The following MAN1A2 variants were observed in gnomAD, a reference collection of about 807,000 sequenced individuals.
The protein encoded by MAN1A2 is mannosidase alpha class 1A member 2.
Under a neutral mutation model 75.7 loss-of-function variants are expected in MAN1A2, and 26 were observed. The ratio of observed to expected loss-of-function variants is 0.34; its 90% CI spans 0.25 to 0.48. The LOEUF (loss-of-function observed/expected upper bound fraction) is 0.48. MAN1A2 is among the 20% of genes least tolerant of loss of function. MAN1A2 has a pLI of 0.99. For synonymous variants in MAN1A2, 247 were observed against 264.6 expected, an observed-to-expected ratio of 0.93 and a Z score of 0.65; for missense variants, 562 against 775.5, an observed-to-expected ratio of 0.72 and a Z score of 3.27.
Position 117,499,464 on chromosome 1 carries a change from C to A in MAN1A2, c.1587C>A (p.Ile529=). Residue 529 remains isoleucine, a synonymous_variant, in exon 11 of 13, where the codon ATC becomes ATA. Coordinates refer to ENST00000356554, the MANE Select transcript of MAN1A2 (RefSeq NM_006699.5). ...TCCGGCAGGCTGAAAAGTATTATAT[C>A]CTCCGTCCAGAAGTAATTGAAACCT... The part of the protein sequence containing the change: ...VAVRQAEKYY[I]LRPEVIETYW... 6.2e-7 allele frequency: 1 copy of A among 1,608,646 alleles called. No individual in the cohort carries two copies.
At chr1:117,369,811 G>GAAAGTAGT (rs1175601304) in intron 1 of MAN1A2, among the ~76,000 whole-genome samples, 1 of 152,194 alleles carries the variant, frequency 6.6e-6, no homozygotes, top group African/African-American at 2.4e-5. Flanking sequence ...AATTAACGGT[G>GAAAGTAGT]AAAGTAGTTT....
chr1:117,522,141 C>T (rs1290557), intron 12 of MAN1A2, among the ~76,000 whole-genome samples: 32,054 of 151,716 alleles, frequency 0.21, 3,896 homozygotes, highest in East Asian at 0.4. Flanking sequence ...AGAACTTACT[C>T]ATGTAACCAA....
intron 8 of MAN1A2, among the ~76,000 whole-genome samples, chr1:117,475,231 T>A (rs1163334814): frequency 6.6e-6 from 1 of 152,008 alleles, no homozygotes; most frequent in Non-Finnish European, 1.5e-5. Context: ...TTAACTTTTT[T>A]AAGGAACTAC....
intron 11 of MAN1A2, among the ~76,000 whole-genome samples, chr1:117,500,850 T>C (rs1053322181): frequency 6.6e-6 from 1 of 151,858 alleles, no homozygotes; most frequent in Non-Finnish European, 1.5e-5. Flanking sequence ...CACACACTTC[T>C]ATTGTTAGCA....
chr1:117,432,032 A>G, intron 5 of MAN1A2, among the ~76,000 whole-genome samples: 1 of 152,236 alleles, frequency 6.6e-6, no homozygotes, highest in Non-Finnish European at 1.5e-5. Flanking sequence ...AAAACTTCAA[A>G]TATTTGAAAA....
chr1:117,382,190 G>A (rs908579881), intron 1 of MAN1A2, among the ~76,000 whole-genome samples: 10 of 152,156 alleles, frequency 6.6e-5, no homozygotes, highest in African/African-American at 2.4e-4. Context: ...AGTTTAATGA[G>A]ATCCCATTTG....
chr1:117,450,581 C>T (rs1455693864), intron 6 of MAN1A2, among the ~76,000 whole-genome samples: 2 of 152,176 alleles, frequency 1.3e-5, no homozygotes, highest in Non-Finnish European at 2.9e-5. Flanking sequence ...ATGGCAGCCC[C>T]TCCCATCACA....
chr1:117,411,150 T>TA (rs1246828883), intron 3 of MAN1A2, among the ~76,000 whole-genome samples: 2 of 151,538 alleles, frequency 1.3e-5, no homozygotes, highest in Admixed American at 6.6e-5. Context: ...GTAATTTTTT[T>TA]AAAAAAAACC....
rs535549500 is a variant in MAN1A2, at chr1:117,522,234, A to C, written c.1794-591A>C. On this transcript the variant is annotated intron_variant, in intron 12 of 12. Transcript: ENST00000356554. The stretch of plus-strand genomic sequence containing the variant: ...CAGAACCAATATTCCTCCTGAACAT[A>C]GATAGAACTAAACAAGATTTTGACA... Among the ~76,000 whole-genome samples the C allele has an allele frequency of 2.1e-4, 32 of 152,034 alleles. 1 individual carries two copies. The South Asian group carries it at 6.4e-3, about 31-fold the overall frequency.
intron 1 of MAN1A2, among the ~76,000 whole-genome samples, chr1:117,397,477 C>G (rs1653935769): frequency 6.6e-6 from 1 of 151,966 alleles, no homozygotes; most frequent in African/African-American, 2.4e-5. Context: ...ACAACTGATG[C>G]TAACACGAAG....
rs1398204843 is a variant in MAN1A2 at position 117,518,956 on chromosome 1, A to G, written c.1794-3869A>G. Reference sequence around the variant, plus strand: ...TAAGCCATAAAACAAGCCTTAATAAATTTAAGAATATTGAAATTCTGTCAA... The same window carrying G: ...TAAGCCATAAAACAAGCCTTAATAAGTTTAAGAATATTGAAATTCTGTCAA... On this transcript the variant is annotated intron_variant, in intron 12 of 12. Coordinates refer to ENST00000356554, the MANE Select transcript of MAN1A2 (RefSeq NM_006699.5). Among the ~76,000 whole-genome samples, 3 of 152,104 alleles carry G rather than the reference A, an allele frequency of 2.0e-5. No homozygotes were observed. In the East Asian group the frequency reaches 5.8e-4, roughly 29 times the overall value.
rs12071415 is a variant in MAN1A2, at chr1:117,448,651, C to T, written c.950+6326C>T. Among the ~76,000 whole-genome samples the T allele has an allele frequency of 3.8e-3, 582 of 152,224 alleles. 7 individuals are homozygous for T. The highest frequency in any genetic ancestry group is 0.013 in the African/African-American group (553 of 41,558). On this transcript the variant is annotated intron_variant, in intron 6 of 12. Transcript: ENST00000356554. Reference sequence around the variant, plus strand: ...GAGCTTGAAGACAAAACAATAGAAACCACCTAAACTGAAGCACAGAAAGAG... The same window carrying T: ...GAGCTTGAAGACAAAACAATAGAAATCACCTAAACTGAAGCACAGAAAGAG...
At chr1:117,497,653 C>T (rs1570793088) in intron 10 of MAN1A2, among the ~76,000 whole-genome samples, 1 of 151,682 alleles carries the variant, frequency 6.6e-6, no homozygotes, top group East Asian at 1.9e-4. Context: ...AATAGATACA[C>T]AGTATATATT....
chr1:117,429,424 G>A (rs1305422398), intron 5 of MAN1A2, among the ~76,000 whole-genome samples: 2 of 131,354 alleles, frequency 1.5e-5, no homozygotes, highest in African/African-American at 5.9e-5. Flanking sequence ...GGCTGGCCGG[G>A]CAGGGGGGCT....
intron 8 of MAN1A2, among the ~76,000 whole-genome samples, chr1:117,469,576 A>G (rs1176878955): frequency 6.6e-5 from 10 of 152,164 alleles, no homozygotes; most frequent in Non-Finnish European, 1.5e-5. Context: ...TTAAGGGTCT[A>G]TACACAGAAT....
rs143324881 is a variant in MAN1A2, at chr1:117,497,686, G to A, written c.1504+704G>A. 7.1e-4 allele frequency among the ~76,000 whole-genome samples: 108 copies of A among 151,882 alleles called. 1 individual carries two copies. The highest frequency in any genetic ancestry group is 2.6e-3 in the African/African-American group (107 of 41,486). On this transcript the variant is annotated intron_variant, in intron 10 of 12. Transcript: ENST00000356554. ...ATTTGGTATTAAAATTTTATGGAGG[G>A]AGAAGGCAATTAGGCTTTTTTAAAA...
intron 4 of MAN1A2, among the ~76,000 whole-genome samples, chr1:117,416,664 A>C (rs1648003001): frequency 6.6e-6 from 1 of 152,132 alleles, no homozygotes; most frequent in Non-Finnish European, 1.5e-5. Flanking sequence ...GCATTGTGAT[A>C]TCACCAGAAG....
intron 1 of MAN1A2, among the ~76,000 whole-genome samples, chr1:117,393,418 C>T (rs901567674): frequency 2.6e-5 from 4 of 151,652 alleles, no homozygotes; most frequent in African/African-American, 9.7e-5. Flanking sequence ...AGTCATTTCC[C>T]AAAATCATTC....
chr1:117,513,080 G>A (rs1651590904), intron 12 of MAN1A2, among the ~76,000 whole-genome samples: 1 of 152,060 alleles, frequency 6.6e-6, no homozygotes, highest in African/African-American at 2.4e-5. Flanking sequence ...CTTGATGCAT[G>A]GAATATTTCC....
Sources: allele counts gnomAD v4.1 joint callset (sites outside exome capture counted in the v4.1 genomes callset), GRCh38; gene constraint gnomAD v4.1.1; transcripts MANE v1.5; gene names NCBI Gene and HGNC (gene_info 2026-07-23, HGNC 2026-07-21).